The following COL26A1 variants were observed in gnomAD, a reference collection of about 807,000 sequenced individuals.
COL26A1 encodes the protein collagen alpha-1(XXVI) chain.
Under a neutral mutation model 59.3 loss-of-function variants are expected in COL26A1, and 41 were observed. The observed-to-expected ratio is 0.69, with a 90% CI of 0.54 to 0.90. The LOEUF (loss-of-function observed/expected upper bound fraction) is 0.90. Among genes scored for constraint, COL26A1 ranks in the 40% least tolerant of loss-of-function variants. The pLI is 0.00. For missense variants in COL26A1, 612 were observed against 602.3 expected (o/e 1.02, Z -0.17); for synonymous variants, 266 against 256.0 (o/e 1.04, Z -0.37).
intron 3 of COL26A1, among the ~76,000 whole-genome samples, chr7:101,495,403 C>A (rs1376776288): frequency 6.8e-6 from 1 of 147,378 alleles, no homozygotes; most frequent in South Asian, 2.1e-4. Context: ...GTATGGGCAG[C>A]CTGGGGAATT....
chr7:101,517,506 C>T (rs906849520), intron 3 of COL26A1, among the ~76,000 whole-genome samples: 3 of 152,218 alleles, frequency 2.0e-5, no homozygotes, highest in Non-Finnish European at 2.9e-5. Context: ...AGAGCTTGTG[C>T]TGGGTGCAGG....
At chr7:101,440,303 C>CT (rs34051381) in intron 2 of COL26A1, among the ~76,000 whole-genome samples, 65,803 of 151,830 alleles carry the variant, frequency 0.43, 16,403 homozygotes, top group Middle Eastern at 0.59. Flanking sequence ...GAGGTGAAGG[C>CT]TGCAGGGAGC....
chr7:101,502,483 C>T (rs1381003705), intron 3 of COL26A1, among the ~76,000 whole-genome samples: 4 of 152,210 alleles, frequency 2.6e-5, no homozygotes, highest in Non-Finnish European at 5.9e-5. Flanking sequence ...AACTGAGGTT[C>T]CAAGAAGGGA....
At chr7:101,546,530 C>T (rs1275015335) in intron 7 of COL26A1, among the ~76,000 whole-genome samples, 1 of 152,068 alleles carries the variant, frequency 6.6e-6, no homozygotes, top group Non-Finnish European at 1.5e-5. Flanking sequence ...CCCTCCTCAG[C>T]CTCCCAAAGT....
At chr7:101,412,409 C>T (rs990850791) in intron 1 of COL26A1, among the ~76,000 whole-genome samples, 1 of 152,080 alleles carries the variant, frequency 6.6e-6, no homozygotes, top group Non-Finnish European at 1.5e-5. Context: ...CTTTGGGAGG[C>T]CCAGGCGGGC....
chr7:101,512,568 G>C (rs767974245), intron 3 of COL26A1, among the ~76,000 whole-genome samples: 23 of 152,184 alleles, frequency 1.5e-4, no homozygotes, highest in Non-Finnish European at 2.9e-4. Flanking sequence ...GCTGCAGTGA[G>C]CTATGATCGT....
At chr7:101,479,629 G>A (rs1794116032) in intron 3 of COL26A1, among the ~76,000 whole-genome samples, 1 of 152,134 alleles carries the variant, frequency 6.6e-6, no homozygotes, top group Non-Finnish European at 1.5e-5. Context: ...AAGACTCTTT[G>A]TAAATCTTGA....
intron 3 of COL26A1, among the ~76,000 whole-genome samples, chr7:101,502,865 G>C (rs935065700): frequency 3.9e-5 from 6 of 152,174 alleles, no homozygotes; most frequent in African/African-American, 1.4e-4. Context: ...GGGCTGCCTG[G>C]CTCTGTGCTG....
intron 9 of COL26A1, among the ~76,000 whole-genome samples, chr7:101,550,821 C>T (rs767810089): frequency 3.8e-5 from 5 of 131,298 alleles, no homozygotes; most frequent in East Asian, 1.9e-4. Context: ...CTCCACACAC[C>T]GGACCACCTG....
In COL26A1 at chr7:101,404,915, T is replaced by C. The variant is rs543913800; in HGVS notation, c.159-15062T>C. The stretch of plus-strand genomic sequence containing the variant: ...AGATTTTGTCTCCAAAATAAATAAA[T>C]AAACAAATAAATAATTGTACTTTAT... On this transcript the variant is annotated intron_variant, in intron 1 of 12. Coordinates refer to ENST00000313669, the MANE Select transcript of COL26A1 (RefSeq NM_001278563.3). Among the ~76,000 whole-genome samples, 5 of 148,028 alleles carry C rather than the reference T, an allele frequency of 3.4e-5. No homozygotes were observed. The South Asian group carries it at 6.4e-4, about 19-fold the overall frequency.
chr7:101,451,696 A>G lies in COL26A1; in HGVS notation c.385+3909A>G, dbSNP rs1292593912. Among the ~76,000 whole-genome samples, 3 of 148,730 alleles carry G rather than the reference A, an allele frequency of 2.0e-5. No homozygotes were observed. In the East Asian group the frequency reaches 5.8e-4, roughly 29 times the overall value. Reference sequence around the variant, plus strand: ...TGGTTATTGTCTCTACTGAAAAGAAATCATTTGCATCTTTTTTTTTTTTTT... The same window carrying G: ...TGGTTATTGTCTCTACTGAAAAGAAGTCATTTGCATCTTTTTTTTTTTTTT... On this transcript the variant is annotated intron_variant, in intron 3 of 12. Coordinates refer to ENST00000313669, the MANE Select transcript of COL26A1 (RefSeq NM_001278563.3).
intron 3 of COL26A1, among the ~76,000 whole-genome samples, chr7:101,520,470 C>A (rs937504734): frequency 1.3e-5 from 2 of 152,010 alleles, no homozygotes; most frequent in Non-Finnish European, 2.9e-5. Context: ...GAATTGCTTG[C>A]GGCCAGGAGA....
chr7:101,555,861 TGG>T lies in COL26A1; in HGVS notation c.1157_1158del (p.Gly386AspfsTer68). 1 of 1,609,136 alleles carries T rather than the reference TGG, an allele frequency of 6.2e-7. No individual in the cohort carries two copies. Among genetic ancestry groups the T allele is most frequent in the African/African-American group, 1.3e-5 (1 of 74,970 alleles). On this transcript the variant is annotated frameshift_variant, in exon 12 of 13. Coordinates refer to ENST00000313669, the MANE Select transcript of COL26A1 (RefSeq NM_001278563.3). LOFTEE classifies it high-confidence loss of function. ...GAGTCCTCATCCTGGAGCACATGATTGGGATCCACGGTGAGCAGTGACCAGGA... is the reference window on the plus strand; with the variant it reads ...GAGTCCTCATCCTGGAGCACATGATTGATCCACGGTGAGCAGTGACCAGGA... Reference protein sequence around the residue: ...ERVLILEHMIGIHDPLASPEG... With the variant: ...ERVLILEHMIXIHDPLASPEG...
At chr7:101,387,930 T>C (rs890980863) in intron 1 of COL26A1, among the ~76,000 whole-genome samples, 2 of 150,900 alleles carry the variant, frequency 1.3e-5, no homozygotes, top group African/African-American at 4.9e-5. Flanking sequence ...CCACCATACC[T>C]GGCTAGTTTT....
intron 3 of COL26A1, among the ~76,000 whole-genome samples, chr7:101,495,726 G>A (rs1367435206): frequency 6.6e-6 from 1 of 150,820 alleles, no homozygotes; most frequent in Admixed American, 6.6e-5. Flanking sequence ...GCCAGCGTAG[G>A]GTATTTTTGC....
At chr7:101,387,776 A>ATTTTTTT (rs1445116473) in intron 1 of COL26A1, among the ~76,000 whole-genome samples, 42 of 84,752 alleles carry the variant, frequency 5.0e-4, no homozygotes, top group African/African-American at 1.6e-3. Context: ...ATATATATAT[A>ATTTTTTT]TATTTTTTTT....
intron 1 of COL26A1, among the ~76,000 whole-genome samples, chr7:101,414,979 T>C (rs1363289410): frequency 6.6e-6 from 1 of 152,212 alleles, no homozygotes; most frequent in Non-Finnish European, 1.5e-5. Context: ...CAATGAAGTT[T>C]AACCTCTTAG....
rs935647952 is a variant in COL26A1, at chr7:101,488,088, C to G, written c.385+40301C>G. Among the ~76,000 whole-genome samples the G allele has an allele frequency of 6.0e-5, 9 of 149,718 alleles. No individual in the cohort carries two copies. In the East Asian group the frequency reaches 1.8e-3, roughly 30 times the overall value. ...AGTAGTTCAAGACCACCCTGGCCAACATGGTGAAACCCCCATCTCTACTGA... is the reference window on the plus strand; with the variant it reads ...AGTAGTTCAAGACCACCCTGGCCAAGATGGTGAAACCCCCATCTCTACTGA... On this transcript the variant is annotated intron_variant, in intron 3 of 12. Coordinates refer to ENST00000313669, the MANE Select transcript of COL26A1 (RefSeq NM_001278563.3).
intron 1 of COL26A1, among the ~76,000 whole-genome samples, chr7:101,394,585 C>G (rs61235020): frequency 8.1e-6 from 1 of 122,794 alleles, no homozygotes; most frequent in Non-Finnish European, 1.6e-5. Flanking sequence ...TTTTTCTTTT[C>G]TTTTTTTTTT....
Sources: allele counts gnomAD v4.1 joint callset (sites outside exome capture counted in the v4.1 genomes callset), GRCh38; gene constraint gnomAD v4.1.1; transcripts MANE v1.5; gene names NCBI Gene and HGNC (gene_info 2026-07-23, HGNC 2026-07-21).